PTPRN2: variants seen among roughly 807,000 people sequenced by gnomAD.
The protein encoded by PTPRN2 is receptor-type tyrosine-protein phosphatase N2.
PTPRN2 carries 74 observed loss-of-function variants against 118.8 expected under a neutral mutation model. That is an observed-to-expected ratio of 0.62 (90% CI 0.52 to 0.76). The LOEUF is 0.76. PTPRN2 is among the 30% of genes least tolerant of loss of function. The probability of loss-of-function intolerance (pLI) is 0.00; values close to 1 mark genes in which losing one functional copy is unlikely to be tolerated. For synonymous variants in PTPRN2, 641 were observed against 608.0 expected, an observed-to-expected ratio of 1.05 and a Z score of -0.80; for missense variants, 1,481 against 1,394.4, an observed-to-expected ratio of 1.06 and a Z score of -0.99.
At chr7:158,586,905 G>A (rs1007534955) in intron 1 of PTPRN2, among the ~76,000 whole-genome samples, 4 of 152,130 alleles carry the variant, frequency 2.6e-5, no homozygotes, top group African/African-American at 4.8e-5. Flanking sequence ...GCCGAGTGGC[G>A]GGGCTCGGGG....
intron 4 of PTPRN2, among the ~76,000 whole-genome samples, chr7:158,202,451 G>A (rs529746058): frequency 7.2e-5 from 11 of 152,300 alleles, no homozygotes; most frequent in African/African-American, 2.6e-4. Context: ...TCCCCAGGCA[G>A]TCATGTCTGG....
chr7:158,266,765 A>G (rs1396642759), intron 3 of PTPRN2, among the ~76,000 whole-genome samples: 1 of 152,252 alleles, frequency 6.6e-6, no homozygotes, highest in African/African-American at 2.4e-5. Context: ...ATTCAGTCTG[A>G]TAAATAATTC....
At chr7:158,027,163 G>T (rs1394663665) in intron 11 of PTPRN2, among the ~76,000 whole-genome samples, 1 of 152,184 alleles carries the variant, frequency 6.6e-6, no homozygotes, top group Non-Finnish European at 1.5e-5. Context: ...CCACAGCCAG[G>T]ACTTTACCCA....
At chr7:158,329,675 C>A (rs1379589200) in intron 2 of PTPRN2, among the ~76,000 whole-genome samples, 5 of 152,312 alleles carry the variant, frequency 3.3e-5, no homozygotes, top group Non-Finnish European at 7.4e-5. Context: ...CTTTGAGCAG[C>A]CTTCATGGAC....
At chr7:158,515,228 C>G in intron 1 of PTPRN2, among the ~76,000 whole-genome samples, 1 of 151,590 alleles carries the variant, frequency 6.6e-6, no homozygotes, top group African/African-American at 2.4e-5. Flanking sequence ...CTCTTGTTGC[C>G]CAGGCTGGAG....
intron 2 of PTPRN2, among the ~76,000 whole-genome samples, chr7:158,370,214 G>A (rs961883884): frequency 3.3e-5 from 5 of 152,128 alleles, no homozygotes; most frequent in African/African-American, 7.2e-5. Flanking sequence ...GAGGCACACC[G>A]ATCACCTGAG....
intron 13 of PTPRN2, among the ~76,000 whole-genome samples, chr7:157,661,764 G>A (rs935628260): frequency 1.3e-5 from 2 of 152,208 alleles, no homozygotes; most frequent in Non-Finnish European, 2.9e-5. Context: ...GGTGAGAGAC[G>A]CGTCCTACTT....
intron 4 of PTPRN2, among the ~76,000 whole-genome samples, chr7:158,201,592 A>G (rs746381094): frequency 1.3e-5 from 2 of 152,188 alleles, no homozygotes; most frequent in Non-Finnish European, 2.9e-5. Flanking sequence ...GAGATAATCA[A>G]CCAAGAGCCA....
At position 158,205,165 on chromosome 7, in the gene PTPRN2, A is replaced by G; in HGVS notation, c.380+6T>C. The G allele has an allele frequency of 6.2e-7, 1 of 1,609,612 alleles. No homozygotes were observed. Among genetic ancestry groups the G allele is most frequent in the Middle Eastern group, 1.7e-4 (1 of 6,054 alleles). On this transcript the variant is annotated splice_donor_region_variant and intron_variant, in intron 4 of 22. Coordinates refer to ENST00000389418, the MANE Select transcript of PTPRN2 (RefSeq NM_002847.5). ...GCAAGGAGCAACAAGCCACGTCCAC[A>G]CTTACCTGGCTGGGCTGGATGCTTC...
intron 1 of PTPRN2, among the ~76,000 whole-genome samples, chr7:158,533,402 T>A (rs947866748): frequency 2.0e-5 from 3 of 152,230 alleles, no homozygotes; most frequent in Non-Finnish European, 2.9e-5. Context: ...CGCATCTGGC[T>A]GCAAATCCCA....
intron 2 of PTPRN2, among the ~76,000 whole-genome samples, chr7:158,446,493 G>A (rs1361411531): frequency 1.3e-5 from 2 of 151,876 alleles, no homozygotes; most frequent in African/African-American, 4.8e-5. Context: ...TGGACACACG[G>A]AGACCCACCC....
chr7:158,150,305 A>T (rs1820842030), intron 6 of PTPRN2, among the ~76,000 whole-genome samples: 1 of 152,204 alleles, frequency 6.6e-6, no homozygotes, highest in Non-Finnish European at 1.5e-5. Context: ...GGCTAACGTA[A>T]CCAGAACATT....
At chr7:157,972,979 T>C (rs1802456938) in intron 11 of PTPRN2, among the ~76,000 whole-genome samples, 2 of 148,428 alleles carry the variant, frequency 1.3e-5, no homozygotes, top group South Asian at 4.3e-4. Context: ...CCGTAGGAAT[T>C]CACACCACGA....
intron 11 of PTPRN2, among the ~76,000 whole-genome samples, chr7:158,061,469 G>C (rs1371020729): frequency 1.3e-5 from 2 of 152,072 alleles, no homozygotes; most frequent in Admixed American, 1.3e-4. Flanking sequence ...CAGAGAAATG[G>C]ACCGTGCCGC....
chr7:158,071,826 TGCCCG>T, intron 11 of PTPRN2, among the ~76,000 whole-genome samples: 5 of 60,124 alleles, frequency 8.3e-5, no homozygotes, highest in Non-Finnish European at 6.0e-5. Context: ...CGTATGGAGG[TGCCCG>T]TGGTGGAGGT....
At chr7:157,988,300 GTC>G (rs932706747) in intron 11 of PTPRN2, among the ~76,000 whole-genome samples, 2 of 150,870 alleles carry the variant, frequency 1.3e-5, no homozygotes, top group Non-Finnish European at 3.0e-5. Context: ...TGCAGTCTCT[GTC>G]TCTCTCTCTC....
At chr7:157,714,733 C>T (rs573533745) in intron 12 of PTPRN2, among the ~76,000 whole-genome samples, 3 of 152,152 alleles carry the variant, frequency 2.0e-5, no homozygotes, top group East Asian at 1.9e-4. Flanking sequence ...TTGGGTTTCC[C>T]GTTTTCTAAA....
chr7:158,440,714 T>C lies in PTPRN2; in HGVS notation c.163+49021A>G, dbSNP rs1816943776. The stretch of plus-strand genomic sequence containing the variant: ...TGATGGTGATAGGGGTGGATAGTAG[T>C]GGTGAAGGTGGTGGTGATGATGACA... On this transcript the variant is annotated intron_variant, in intron 2 of 22. Transcript: ENST00000389418. Among the ~76,000 whole-genome samples the C allele has an allele frequency of 1.4e-5, 2 of 143,274 alleles. 1 individual carries two copies. Among genetic ancestry groups the C allele is most frequent in the African/African-American group, 5.4e-5 (2 of 37,236 alleles). The allele number at this position is 143,274 out of a possible 152,430, so 94.0% of individuals were successfully genotyped here.
chr7:158,003,755 C>T lies in PTPRN2; in HGVS notation c.1723+77543G>A, dbSNP rs1362559824. ...CGGGATCCAGGTTTCTTGGTGGTGGCGAGCTTCTCACATGGGCTTGGCGGC... is the reference window on the plus strand; with the variant it reads ...CGGGATCCAGGTTTCTTGGTGGTGGTGAGCTTCTCACATGGGCTTGGCGGC... On this transcript the variant is annotated intron_variant, in intron 11 of 22. Transcript: ENST00000389418. The surrounding 1 kb of genome is among the most constrained non-coding windows in gnomAD (Gnocchi z 5.0). Among the ~76,000 whole-genome samples, 2 of 152,224 alleles carry T rather than the reference C, an allele frequency of 1.3e-5. No individual in the cohort carries two copies. The highest frequency in any genetic ancestry group is 2.1e-4 in the South Asian group (1 of 4,804).
Sources: allele counts gnomAD v4.1 joint callset (sites outside exome capture counted in the v4.1 genomes callset), GRCh38; gene constraint gnomAD v4.1.1; non-coding constraint Gnocchi (gnomAD v3.1); transcripts MANE v1.5; gene names NCBI Gene and HGNC (gene_info 2026-07-23, HGNC 2026-07-21).